Variants in KRABD5 observed in about 807,000 individuals in gnomAD.
KRABD5 encodes the protein KRAB domain-containing protein 5.
the KRABD5 span, among the ~76,000 whole-genome samples, chr16:31,741,720 T>C: frequency 2.6e-5 from 4 of 152,134 alleles, no homozygotes; most frequent in African/African-American, 9.7e-5. Flanking sequence ...AGGTAGATAG[T>C]TTGTGAATAT....
the KRABD5 span, among the ~76,000 whole-genome samples, chr16:31,718,657 C>T: frequency 7.9e-5 from 12 of 152,118 alleles, no homozygotes; most frequent in Non-Finnish European, 1.6e-4. Context: ...TTTCTTGTAC[C>T]CAAGAGTTAG....
At chr16:31,713,573 C>T in the KRABD5 span, 1,742 of 1,291,060 alleles carry the variant, frequency 1.3e-3, 27 homozygotes, top group African/African-American at 0.025. Context: ...CCCTCCGCCG[C>T]AAGATGGCGG....
chr16:31,748,486 G>C, the KRABD5 span, among the ~76,000 whole-genome samples: 1 of 152,186 alleles, frequency 6.6e-6, no homozygotes. Flanking sequence ...CTAGTTAGCA[G>C]CTCCTCTAAC....
At chr16:31,748,235 T>C in the KRABD5 span, among the ~76,000 whole-genome samples, 10 of 152,230 alleles carry the variant, frequency 6.6e-5, no homozygotes, top group African/African-American at 2.4e-4. Context: ...CAGCACCATT[T>C]ATTAAATAGG....
chr16:31,738,688 G>T, the KRABD5 span, among the ~76,000 whole-genome samples: 1 of 152,056 alleles, frequency 6.6e-6, no homozygotes, highest in Non-Finnish European at 1.5e-5. Context: ...TTACTGAAAG[G>T]TATGACTCAC....
the KRABD5 span, among the ~76,000 whole-genome samples, chr16:31,743,213 T>C: frequency 6.6e-6 from 1 of 152,184 alleles, no homozygotes; most frequent in Admixed American, 6.5e-5. Flanking sequence ...ATGTCCTCAA[T>C]AGTATTGCCA....
At chr16:31,724,297 A>G in the KRABD5 span, among the ~76,000 whole-genome samples, 1 of 151,984 alleles carries the variant, frequency 6.6e-6, no homozygotes, top group Non-Finnish European at 1.5e-5. Flanking sequence ...GTTTGATTTT[A>G]TATATGTATA....
the KRABD5 span, among the ~76,000 whole-genome samples, chr16:31,751,044 G>A: frequency 6.6e-6 from 1 of 152,224 alleles, no homozygotes; most frequent in Non-Finnish European, 1.5e-5. Flanking sequence ...ACAGGTGTGA[G>A]CCACTGCGCC....
chr16:31,746,773 T>C, the KRABD5 span, among the ~76,000 whole-genome samples: 1 of 152,182 alleles, frequency 6.6e-6, no homozygotes, highest in Non-Finnish European at 1.5e-5. Flanking sequence ...GGTTCAGTCT[T>C]TTTGTGAAGT....
At chr16:31,715,953 G>A in the KRABD5 span, among the ~76,000 whole-genome samples, 4 of 152,144 alleles carry the variant, frequency 2.6e-5, no homozygotes, top group Non-Finnish European at 4.4e-5. Context: ...AGGACAGAAA[G>A]GGAAGAAGTT....
chr16:31,719,065 G>A, the KRABD5 span, among the ~76,000 whole-genome samples: 1 of 152,176 alleles, frequency 6.6e-6, no homozygotes, highest in Non-Finnish European at 1.5e-5. Context: ...TAAACCAATT[G>A]CTTCCATTTC....
At chr16:31,738,506 T>G in the KRABD5 span, among the ~76,000 whole-genome samples, 7 of 152,286 alleles carry the variant, frequency 4.6e-5, no homozygotes, top group Non-Finnish European at 1.0e-4. Flanking sequence ...TTAACTAATA[T>G]GACAGTATTT....
the KRABD5 span, among the ~76,000 whole-genome samples, chr16:31,731,910 A>G: frequency 5.3e-5 from 8 of 152,152 alleles, no homozygotes; most frequent in African/African-American, 1.9e-4. Flanking sequence ...CTCTGTGTGG[A>G]CAGGATTTTT....
chr16:31,722,407 A>C, the KRABD5 span, among the ~76,000 whole-genome samples: 1 of 152,070 alleles, frequency 6.6e-6, no homozygotes, highest in African/African-American at 2.4e-5. Context: ...ATATAGGCAT[A>C]GTATCTACAC....
the KRABD5 span, among the ~76,000 whole-genome samples, chr16:31,721,380 T>A: frequency 6.6e-6 from 1 of 152,124 alleles, no homozygotes; most frequent in African/African-American, 2.4e-5. Context: ...CTCTGAACAT[T>A]CTTTTTTACT....
At chr16:31,723,420 T>G in the KRABD5 span, 1 of 1,477,070 alleles carries the variant, frequency 6.8e-7, no homozygotes, top group South Asian at 1.3e-5. Flanking sequence ...GAACCAGACC[T>G]TGAAGTGTGG....
the KRABD5 span, among the ~76,000 whole-genome samples, chr16:31,733,254 C>G: frequency 6.6e-6 from 1 of 151,950 alleles, no homozygotes; most frequent in East Asian, 1.9e-4. Flanking sequence ...TTGCTTTATT[C>G]TGTCTAGATG....
At chr16:31,752,577 A>G in the KRABD5 span, among the ~76,000 whole-genome samples, 126 of 152,306 alleles carry the variant, frequency 8.3e-4, no homozygotes, top group Middle Eastern at 3.4e-3. Flanking sequence ...TTTCTTAAAG[A>G]AGTCACAAAA....
chr16:31,736,423 T>C, the KRABD5 span, among the ~76,000 whole-genome samples: 1 of 151,774 alleles, frequency 6.6e-6, no homozygotes, highest in African/African-American at 2.4e-5. Flanking sequence ...TTTTTTTTTT[T>C]TTCTATTTTT....
Sources: gnomAD v4.1 joint callset for allele counts (sites outside exome capture counted in the v4.1 genomes callset) on GRCh38, gnomAD v4.1.1 for gene constraint, MANE v1.5 for transcripts, NCBI Gene and HGNC (gene_info 2026-07-23, HGNC 2026-07-21) for gene names.